The following DNAH11 variants were observed in gnomAD, a reference collection of about 807,000 sequenced individuals.
DNAH11 encodes axonemal beta dynein heavy chain 11.
DNAH11 carries 442 observed loss-of-function variants against 526.0 expected under a neutral mutation model. The observed-to-expected ratio is 0.84, with a 90% CI of 0.78 to 0.91. The LOEUF is 0.91. DNAH11 is among the 40% of genes least tolerant of loss of function. The pLI, the probability that DNAH11 is intolerant of heterozygous loss-of-function variation, is 0.00. For synonymous variants in DNAH11, 2,461 were observed against 1,935.9 expected (o/e 1.27, Z -7.12); for missense variants, 6,989 against 5,448.7 (o/e 1.28, Z -8.90).
At position 21,816,544 on chromosome 7, in the gene DNAH11, C is replaced by T. The variant is rs746707590; in HGVS notation, c.10410C>T (p.Asn3470=). 1.3e-5 allele frequency: 21 copies of T among 1,612,802 alleles called. No individual in the cohort carries two copies. The highest frequency in any genetic ancestry group is 2.7e-5 in the African/African-American group (2 of 74,848). The change falls in exon 64 of 82, where the codon AAC becomes AAT. Residue 3470 remains asparagine (N), a synonymous_variant. Transcript: ENST00000409508. ...ATGCTACAATTGCCGCCTGGAATAA[C>T]GAAGGACTGCCCAGTGACAGAATGT... ...TDDATIAAWN[N]EGLPSDRMST... is the part of the protein sequence containing the mutation.
chr7:21,544,647 A>T (rs1294688940), intron 1 of DNAH11, among the ~76,000 whole-genome samples: 2 of 150,946 alleles, frequency 1.3e-5, no homozygotes, highest in Non-Finnish European at 3.0e-5. Flanking sequence ...TCCAAACCAG[A>T]GAAGAGTATA....
At chr7:21,887,265 CAGAG>C (rs1784160194) in intron 76 of DNAH11, among the ~76,000 whole-genome samples, 1 of 152,196 alleles carries the variant, frequency 6.6e-6, no homozygotes, top group Non-Finnish European at 1.5e-5. Context: ...AGTTTGCTCT[CAGAG>C]AGAGTTCTCC....
intron 32 of DNAH11, among the ~76,000 whole-genome samples, chr7:21,684,154 T>C (rs146043128): frequency 1.3e-5 from 2 of 152,294 alleles, no homozygotes; most frequent in African/African-American, 4.8e-5. Flanking sequence ...CAAGGAAGCA[T>C]TGTTGATTCT....
intron 45 of DNAH11, among the ~76,000 whole-genome samples, chr7:21,735,100 G>T (rs575967540): frequency 6.6e-6 from 1 of 152,026 alleles, no homozygotes; most frequent in South Asian, 2.1e-4. Context: ...AGCTCAGGAA[G>T]TCGAGGCTGC....
intron 25 of DNAH11, among the ~76,000 whole-genome samples, chr7:21,632,673 C>G (rs974053096): frequency 2.0e-5 from 3 of 152,180 alleles, no homozygotes; most frequent in African/African-American, 7.2e-5. Flanking sequence ...TCTGAGACCA[C>G]CTCAGCCTGG....
In DNAH11 at chr7:21,711,759, G is replaced by A. The variant is rs530801300; in HGVS notation, c.6882G>A (p.Met2294Ile). 4.3e-6 allele frequency: 7 copies of A among 1,613,876 alleles called. No individual in the cohort carries two copies. Among genetic ancestry groups the A allele is most frequent in the African/African-American group, 4.0e-5 (3 of 75,038 alleles). ...AGCGCATTGCACTCACTCCCTTCAT[G>A]AGGCTTCTGTTTGAGATACATCACT... ...SNERIALTPF[M>I]RLLFEIHHLR... is the part of the protein sequence containing the mutation. Residue 2294 changes from methionine to isoleucine, a missense_variant, in exon 42 of 82, where the codon ATG becomes ATA. Transcript: ENST00000409508.
intron 65 of DNAH11, among the ~76,000 whole-genome samples, chr7:21,826,831 C>T (rs1395465354): frequency 3.3e-5 from 5 of 152,164 alleles, no homozygotes; most frequent in Non-Finnish European, 7.3e-5. Context: ...TTTTGGCTAT[C>T]AATAGTGTTT....
chr7:21,860,348 G>T lies in DNAH11; in HGVS notation c.11203-1505G>T, dbSNP rs368855024. On this transcript the variant is annotated intron_variant, in intron 68 of 81. Coordinates refer to ENST00000409508, the MANE Select transcript of DNAH11 (RefSeq NM_001277115.2). The stretch of plus-strand genomic sequence containing the variant: ...GAGAAATTGGAATCTTTTGGTGGGG[G>T]TGCACAATGGCACAGCCACTATGGA... Among the ~76,000 whole-genome samples the T allele has an allele frequency of 2.1e-4, 32 of 152,146 alleles. No individual in the cohort carries two copies. The East Asian group carries it at 5.2e-3, about 25-fold the overall frequency.
At chr7:21,789,804 TCTTTTTTCTTTCTTTC>T (rs1274539619) in intron 61 of DNAH11, among the ~76,000 whole-genome samples, 5 of 73,182 alleles carry the variant, frequency 6.8e-5, no homozygotes, top group African/African-American at 2.5e-4. Flanking sequence ...TTTCTTTCTT[TCTTTTTTCTTTCTTTC>T]TTTCTTTCTT....
At chr7:21,720,609 C>A in intron 43 of DNAH11, 116 bp from the exon 44 acceptor site, 2 of 1,203,644 alleles carry the variant, frequency 1.7e-6, no homozygotes, top group Non-Finnish European at 2.2e-6. Flanking sequence ...TGTAGCAAAT[C>A]ACAGCTGGGA....
intron 55 of DNAH11, among the ~76,000 whole-genome samples, chr7:21,773,098 T>G (rs1444150445): frequency 1.4e-5 from 2 of 142,308 alleles, no homozygotes; most frequent in Non-Finnish European, 3.1e-5. Context: ...GAGGGAGATG[T>G]GACTCTGCAA....
At chr7:21,852,745 T>A (rs1782691079) in intron 67 of DNAH11, 114 bp downstream of exon 67, 1 of 1,134,124 alleles carries the variant, frequency 8.8e-7, no homozygotes, top group Admixed American at 2.8e-5. Context: ...GCGTGTGGAA[T>A]TCAGGTGATT....
intron 35 of DNAH11, among the ~76,000 whole-genome samples, chr7:21,696,795 G>C (rs1783871782): frequency 6.6e-6 from 1 of 152,194 alleles, no homozygotes; most frequent in South Asian, 2.1e-4. Flanking sequence ...GTAAAATGAA[G>C]ATAAGAGGAG....
intron 54 of DNAH11, among the ~76,000 whole-genome samples, chr7:21,764,267 CAAT>C (rs1412804862): frequency 8.9e-6 from 1 of 112,952 alleles, no homozygotes; most frequent in African/African-American, 2.9e-5. Context: ...ATAAAATAAA[CAAT>C]AAAACACTTG....
At chr7:21,606,838 A>G (rs887284030) in intron 20 of DNAH11, 105 bp downstream of exon 20, 3 of 1,028,594 alleles carry the variant, frequency 2.9e-6, no homozygotes, top group South Asian at 1.5e-5. Context: ...TTGCTGTTAT[A>G]GGAATTGATT....
intron 28 of DNAH11, among the ~76,000 whole-genome samples, chr7:21,642,006 G>T (rs1234068040): frequency 2.6e-5 from 4 of 152,192 alleles, no homozygotes; most frequent in African/African-American, 9.6e-5. Flanking sequence ...CTAACAAAGG[G>T]AGGTGGGTAT....
rs77440441 is a variant in DNAH11, at chr7:21,658,160, T to A, written c.5095-638T>A. Among the ~76,000 whole-genome samples, 1,329 of 149,520 alleles carry A rather than the reference T, an allele frequency of 8.9e-3. 46 individuals carry two copies. The highest frequency in any genetic ancestry group is 0.083 in the South Asian group (392 of 4,704). On this transcript the variant is annotated intron_variant, in intron 29 of 81. Transcript: ENST00000409508. ...GGGCGCAAACTAAGCTTCAATTTTTTAAAAAAAAAAAGATTAATTTTTACA... is the reference window on the plus strand; with the variant it reads ...GGGCGCAAACTAAGCTTCAATTTTTAAAAAAAAAAAAGATTAATTTTTACA...
At chr7:21,883,849 T>A (rs1784021759) in intron 75 of DNAH11, among the ~76,000 whole-genome samples, 1 of 152,108 alleles carries the variant, frequency 6.6e-6, no homozygotes, top group Non-Finnish European at 1.5e-5. Flanking sequence ...GAGACCAACC[T>A]GGACACCATA....
At chr7:21,693,486 G>A (rs116416420) in intron 35 of DNAH11, among the ~76,000 whole-genome samples, 5,767 of 152,270 alleles carry the variant, frequency 0.038, 276 homozygotes, top group African/African-American at 0.12. Context: ...ACATCATGAA[G>A]TAAGTTGACA....
Sources: gnomAD v4.1 joint callset for allele counts (sites outside exome capture counted in the v4.1 genomes callset) on GRCh38, gnomAD v4.1.1 for gene constraint, MANE v1.5 for transcripts, NCBI Gene and HGNC (gene_info 2026-07-23, HGNC 2026-07-21) for gene names.